Variants in RXFP1 observed in about 807,000 individuals in gnomAD.
The protein encoded by RXFP1 is relaxin receptor 1.
RXFP1 carries 73 observed loss-of-function variants against 89.8 expected under a neutral mutation model. That is an observed-to-expected ratio of 0.81 (90% CI 0.67 to 0.99). The LOEUF is 0.99. Ranked by LOEUF, RXFP1 falls within the 50% of genes least tolerant of loss-of-function variation. The probability of loss-of-function intolerance (pLI) is 0.00; values close to 1 mark genes in which losing one functional copy is unlikely to be tolerated. For synonymous variants in RXFP1, 277 were observed against 305.5 expected, an observed-to-expected ratio of 0.91 and a Z score of 0.97; for missense variants, 793 against 895.5, an observed-to-expected ratio of 0.89 and a Z score of 1.46.
chr4:158,621,362 T>C (rs1765603114), intron 9 of RXFP1, among the ~76,000 whole-genome samples: 1 of 152,164 alleles, frequency 6.6e-6, no homozygotes, highest in Admixed American at 6.5e-5. Flanking sequence ...GACAGTGGTA[T>C]TCCCAAGGTG....
chr4:158,547,694 C>T (rs1748860468), intron 1 of RXFP1, among the ~76,000 whole-genome samples: 1 of 152,090 alleles, frequency 6.6e-6, no homozygotes, highest in Non-Finnish European at 1.5e-5. Context: ...TTTCTGCCTT[C>T]ATTTCATTAT....
At chr4:158,608,686 G>A (rs1762997406) in intron 6 of RXFP1, among the ~76,000 whole-genome samples, 1 of 152,054 alleles carries the variant, frequency 6.6e-6, no homozygotes, top group African/African-American at 2.4e-5. Flanking sequence ...TAAGTACATT[G>A]ACATTGTTAT....
chr4:158,592,664 TGAA>T (rs945444392), intron 2 of RXFP1, among the ~76,000 whole-genome samples: 17 of 152,354 alleles, frequency 1.1e-4, no homozygotes, highest in Non-Finnish European at 2.2e-4. Context: ...TTTTAGAGAT[TGAA>T]GAAGATGTAG....
Position 158,638,093 on chromosome 4 carries a change from T to C in RXFP1, c.1043+14T>C. 1.4e-6 allele frequency: 2 copies of C among 1,471,686 alleles called. No individual in the cohort carries two copies. The highest frequency in any genetic ancestry group is 1.9e-6 in the Non-Finnish European group (2 of 1,061,338). The allele number at this position is 1,471,686 out of a possible 1,614,324, so 91.2% of individuals were successfully genotyped here. On this transcript the variant is annotated intron_variant, in intron 13 of 17. Transcript: ENST00000307765. Reference sequence around the variant, plus strand: ...ACTCAAGTCTCTGTAAGTATTCACATATGGGGATAGTTTTATGATAAAATT... The same window carrying C: ...ACTCAAGTCTCTGTAAGTATTCACACATGGGGATAGTTTTATGATAAAATT...
At chr4:158,525,014 C>A (rs940335251) in intron 1 of RXFP1, among the ~76,000 whole-genome samples, 1 of 152,084 alleles carries the variant, frequency 6.6e-6, no homozygotes, top group African/African-American at 2.4e-5. Flanking sequence ...TGCTTTGGAT[C>A]CCAGCACTGG....
chr4:158,641,421 G>A (rs1305185342), intron 14 of RXFP1, among the ~76,000 whole-genome samples: 1 of 152,100 alleles, frequency 6.6e-6, no homozygotes, highest in Non-Finnish European at 1.5e-5. Context: ...AAGGAAATCA[G>A]AACACTATTA....
intron 1 of RXFP1, among the ~76,000 whole-genome samples, chr4:158,548,236 G>A (rs1466444156): frequency 6.6e-6 from 1 of 152,026 alleles, no homozygotes; most frequent in Admixed American, 6.5e-5. Context: ...ATCTTTGTTG[G>A]TTTAAAGTCT....
chr4:158,626,692 A>G (rs2150184768), intron 9 of RXFP1, 128 bp from the exon 10 acceptor site: 2 of 513,632 alleles, frequency 3.9e-6, no homozygotes, highest in East Asian at 7.4e-5. Context: ...AATGGCTACA[A>G]GTGAGAGTCT....
chr4:158,547,575 T>G (rs1043661528), intron 1 of RXFP1, among the ~76,000 whole-genome samples: 5 of 152,194 alleles, frequency 3.3e-5, no homozygotes, highest in African/African-American at 1.2e-4. Context: ...CTGCTTTCTC[T>G]GGTGGGCATT....
intron 8 of RXFP1, among the ~76,000 whole-genome samples, chr4:158,614,328 C>T (rs1268963286): frequency 6.6e-6 from 1 of 152,192 alleles, no homozygotes; most frequent in Non-Finnish European, 1.5e-5. Flanking sequence ...GACTTCTCCT[C>T]TCTAGCTATG....
chr4:158,619,157 T>A (rs1003230451), intron 9 of RXFP1, among the ~76,000 whole-genome samples: 1 of 152,104 alleles, frequency 6.6e-6, no homozygotes, highest in Non-Finnish European at 1.5e-5. Flanking sequence ...TCAATCAACA[T>A]GACTCAATTT....
At chr4:158,546,736 T>C (rs1394561239) in intron 1 of RXFP1, among the ~76,000 whole-genome samples, 1 of 152,228 alleles carries the variant, frequency 6.6e-6, no homozygotes. Context: ...GTTCTGTTTA[T>C]ATGCTGGATT....
chr4:158,612,222 A>T lies in RXFP1; in HGVS notation c.608+21A>T, dbSNP rs377677261. The stretch of plus-strand genomic sequence containing the variant: ...TGGCTGTATGTTTAATTTATGTGGC[A>T]TTTTATTGCACTAGTTTTTAGATTC... On this transcript the variant is annotated intron_variant, in intron 7 of 17. Transcript: ENST00000307765. The T allele has an allele frequency of 2.5e-6, 4 of 1,606,190 alleles. No homozygotes were observed. In the African/African-American group the frequency reaches 4.0e-5, roughly 16 times the overall value.
At chr4:158,532,999 G>C (rs1047364658) in intron 1 of RXFP1, among the ~76,000 whole-genome samples, 3 of 152,140 alleles carry the variant, frequency 2.0e-5, no homozygotes, top group Admixed American at 2.0e-4. Context: ...AAAGGGACAG[G>C]GTGCTTCCTT....
Position 158,542,109 on chromosome 4 carries a change from A to ATATATATATTT in RXFP1, c.49+20085_49+20086insATATATATTTT. Among the ~76,000 whole-genome samples, 18 of 35,232 alleles carry ATATATATATTT rather than the reference A, an allele frequency of 5.1e-4. 1 individual carries two copies. The highest frequency in any genetic ancestry group is 1.7e-3 in the Admixed American group (3 of 1,772). The allele number at this position is 35,232 out of a possible 152,430, so 23.1% of individuals were successfully genotyped here. On this transcript the variant is annotated intron_variant, in intron 1 of 17. Transcript: ENST00000307765. Reference sequence around the variant, plus strand: ...TATATATATATATATATATATATATATTTTTTTTTTAGTAGAGACAGGGTT... The same window carrying ATATATATATTT: ...TATATATATATATATATATATATATATATATATATTTTTTTTTTTTTAGTAGAGACAGGGTT...
chr4:158,572,647 G>A (rs748771167), intron 1 of RXFP1, 51 bp from the exon 2 acceptor site: 4 of 1,533,166 alleles, frequency 2.6e-6, no homozygotes, highest in South Asian at 1.1e-5. Flanking sequence ...TCTTTGCCAC[G>A]CCTTTGTATT....
Position 158,617,162 on chromosome 4 carries a change from C to T in RXFP1, c.712C>T (p.Pro238Ser), listed in dbSNP as rs1412356299. ...GATGAATAACGTCCTCACCCGTTTACCTGATAAACCTCTCTGTCAACACAT... is the reference window on the plus strand; with the variant it reads ...GATGAATAACGTCCTCACCCGTTTATCTGATAAACCTCTCTGTCAACACAT... Reference protein sequence around the residue: ...VLMNNVLTRLPDKPLCQHMPR... With the variant: ...VLMNNVLTRLSDKPLCQHMPR... The change falls in exon 9 of 18, where the codon CCT becomes TCT. Residue 238 changes from proline (P) to serine (S), a missense_variant. Physicochemically the swap from Pro to Ser is moderately conservative, Grantham distance 74. Transcript: ENST00000307765. 6.2e-7 allele frequency: 1 copy of T among 1,610,026 alleles called. No individual in the cohort carries two copies.
intron 2 of RXFP1, among the ~76,000 whole-genome samples, chr4:158,576,582 A>G (rs1326887352): frequency 6.6e-6 from 1 of 152,108 alleles, no homozygotes; most frequent in Admixed American, 6.6e-5. Flanking sequence ...ATGAGCAGAA[A>G]ATCAGGAATG....
chr4:158,549,178 CT>C (rs1175457545), intron 1 of RXFP1, among the ~76,000 whole-genome samples: 2 of 151,742 alleles, frequency 1.3e-5, no homozygotes, highest in Non-Finnish European at 2.9e-5. Context: ...CTAAACTTCC[CT>C]TCTCGCTTCA....
Sources: allele counts gnomAD v4.1 joint callset (sites outside exome capture counted in the v4.1 genomes callset), GRCh38; gene constraint gnomAD v4.1.1; transcripts MANE v1.5; gene names NCBI Gene and HGNC (gene_info 2026-07-23, HGNC 2026-07-21).